The following CCN5 variants were observed in gnomAD, a reference collection of about 807,000 sequenced individuals.
CCN5 encodes the protein cellular communication network factor 5, also known as CCN family member 5.
Under a neutral mutation model 18.7 loss-of-function variants are expected in CCN5, and 17 were observed. That is an observed-to-expected ratio of 0.91 (90% CI 0.62 to 1.36). The LOEUF is 1.36. CCN5 is among the 40% of genes most tolerant of loss of function. CCN5 has a pLI of 0.00. For missense variants in CCN5, 367 were observed against 342.9 expected (o/e 1.07, Z -0.56); for synonymous variants, 135 against 145.2 (o/e 0.93, Z 0.50).
At chr20:44,727,007 G>A in intron 3 of CCN5, 80 bp from the exon 4 acceptor site, 2 of 1,375,646 alleles carry the variant, frequency 1.5e-6, no homozygotes, top group East Asian at 2.4e-5. Flanking sequence ...GACCAAGATT[G>A]CCGTGGCCGC....
rs1270677490 is a variant in CCN5, at chr20:44,716,370, C to T, written c.60+920C>T. Among the ~76,000 whole-genome samples, 3 of 152,236 alleles carry T rather than the reference C, an allele frequency of 2.0e-5. No homozygotes were observed. In the South Asian group the frequency reaches 6.2e-4, roughly 31 times the overall value. On this transcript the variant is annotated intron_variant, in intron 1 of 3. Coordinates refer to ENST00000190983, the MANE Select transcript of CCN5 (RefSeq NM_003881.4). The stretch of plus-strand genomic sequence containing the variant: ...AAGCCACGATCTCACTGTATTTTCA[C>T]GCTCCTTTGAGGAGCACGGGCAGGA...
At chr20:44,726,532 A>G (rs1194396186) in intron 3 of CCN5, among the ~76,000 whole-genome samples, 1 of 152,080 alleles carries the variant, frequency 6.6e-6, no homozygotes, top group Admixed American at 6.6e-5. Flanking sequence ...CCCAGTTGTG[A>G]TCACCAAAAC....
chr20:44,715,963 G>A (rs2065857123), intron 1 of CCN5, among the ~76,000 whole-genome samples: 1 of 152,222 alleles, frequency 6.6e-6, no homozygotes, highest in Admixed American at 6.5e-5. Flanking sequence ...CACCTCTGTG[G>A]AGTAATGGCC....
chr20:44,715,260 TGAGCGC>T (rs772826269), upstream of CCN5: 7,840 of 190,514 alleles, frequency 0.041, 490 homozygotes, highest in African/African-American at 0.23. Flanking sequence ...TGTGTGTGTG[TGAGCGC>T]GCGCGCGCGC....
In CCN5 at chr20:44,719,895, A is replaced by G; in HGVS notation, c.61-2A>G. On this transcript the variant is annotated splice_acceptor_variant, in intron 1 of 3. Transcript: ENST00000190983. LOFTEE classifies it high-confidence loss of function. ...GGCTGAGTGAGGTCTCTGTCTCTTC[A>G]GGTGCGTACCCAGCTGTGCCCGACA... 6.2e-7 allele frequency: 1 copy of G among 1,611,544 alleles called. No individual in the cohort carries two copies. The highest frequency in any genetic ancestry group is 8.5e-7 in the Non-Finnish European group (1 of 1,179,328).
intron 1 of CCN5, 23 bp downstream of exon 1, chr20:44,715,473 A>C: frequency 1.3e-6 from 2 of 1,579,252 alleles, no homozygotes; most frequent in Non-Finnish European, 1.7e-6. Context: ...GGGCCCTGGA[A>C]TGCACTGCTG....
chr20:44,727,589 C>A lies in CCN5; in HGVS notation c.*282C>A. The A allele has an allele frequency of 8.1e-7, 1 of 1,227,478 alleles. No individual in the cohort carries two copies. The highest frequency in any genetic ancestry group is 1.0e-6 in the Non-Finnish European group (1 of 956,498). 76.0% of individuals were successfully genotyped at this position (1,227,478 alleles called of 1,614,324 possible). ...CTCTAGCCCACTCCCTGCCTACACACACAGCCTATATCAAACATGCACACG... is the reference window on the plus strand; with the variant it reads ...CTCTAGCCCACTCCCTGCCTACACAAACAGCCTATATCAAACATGCACACG... On this transcript the variant is annotated 3_prime_UTR_variant, in exon 4 of 4. Coordinates refer to ENST00000190983, the MANE Select transcript of CCN5 (RefSeq NM_003881.4).
rs181244978 is a variant in CCN5 at position 44,719,917 on chromosome 20, G to A, written c.81G>A (p.Pro27=). The A allele has an allele frequency of 3.3e-5, 54 of 1,613,542 alleles. No individual in the cohort carries two copies. Among genetic ancestry groups the A allele is most frequent in the Admixed American group, 2.2e-4 (13 of 59,936 alleles). ...TTCAGGTGCGTACCCAGCTGTGCCCGACACCATGTACCTGCCCCTGGCCAC... is the reference window on the plus strand; with the variant it reads ...TTCAGGTGCGTACCCAGCTGTGCCCAACACCATGTACCTGCCCCTGGCCAC... The part of the protein sequence containing the change: ...LLSKVRTQLC[P]TPCTCPWPPP... The change falls in exon 2 of 4, where the codon CCG becomes CCA. Residue 27 remains proline, a synonymous_variant. Transcript: ENST00000190983.
At chr20:44,725,751 C>T (rs904141504) in intron 3 of CCN5, among the ~76,000 whole-genome samples, 15 of 137,626 alleles carry the variant, frequency 1.1e-4, no homozygotes, top group Non-Finnish European at 1.2e-4. Context: ...CAAAACTGAA[C>T]GAGGCAAAGT....
chr20:44,727,120 C>A lies in CCN5; in HGVS notation c.566C>A (p.Pro189His), dbSNP rs199803194. The change falls in exon 4 of 4, where the codon CCC (proline) becomes CAC (histidine). Residue 189 changes from proline to histidine, a missense_variant. By Grantham distance (77) the Pro-to-His change is moderately conservative. Transcript: ENST00000190983. ...PQFSGLVSSLPPGVPCPEWST... is the reference protein window; with the variant it reads ...PQFSGLVSSLHPGVPCPEWST... ...TTTTCTGGCCTTGTCTCTTCCCTGC[C>A]CCCTGGTGTCCCCTGCCCAGAATGG... The A allele has an allele frequency of 2.5e-6, 4 of 1,605,548 alleles. No homozygotes were observed. The highest frequency in any genetic ancestry group is 2.7e-5 in the African/African-American group (2 of 74,870).
intron 2 of CCN5, chr20:44,721,433 G>A (rs1395230281): frequency 6.8e-6 from 1 of 148,114 alleles, no homozygotes; most frequent in South Asian, 2.1e-4. Flanking sequence ...GCTCGCTTGA[G>A]CCTGGGTGTT....
intron 1 of CCN5, 21 bp from the exon 2 acceptor site, chr20:44,719,876 G>T: frequency 6.2e-7 from 1 of 1,605,724 alleles, no homozygotes; most frequent in Non-Finnish European, 8.5e-7. Context: ...CCGTGGCTGA[G>T]TGAGGTCTCT....
chr20:44,727,233 A>T lies in CCN5; in HGVS notation c.679A>T (p.Thr227Ser). The change falls in exon 4 of 4, where the codon ACC becomes TCC. Residue 227 changes from threonine (T) to serine (S), a missense_variant. Thr to Ser is a moderately conservative substitution (Grantham distance 58). Coordinates refer to ENST00000190983, the MANE Select transcript of CCN5 (RefSeq NM_003881.4). ...SNQNRFCRLETQRRLCLSRPC... is the reference protein window; with the variant it reads ...SNQNRFCRLESQRRLCLSRPC... ...CCAGAACCGCTTCTGCCGACTGGAG[A>T]CCCAGCGCCGCCTGTGCCTGTCCAG... The T allele has an allele frequency of 6.2e-7, 1 of 1,613,434 alleles. No individual in the cohort carries two copies. The highest frequency in any genetic ancestry group is 8.5e-7 in the Non-Finnish European group (1 of 1,179,934).
At chr20:44,719,775 C>T (rs1305539055) in intron 1 of CCN5, 122 bp from the exon 2 acceptor site, 4 of 1,016,334 alleles carry the variant, frequency 3.9e-6, no homozygotes, top group Admixed American at 2.8e-5. Flanking sequence ...GCCAGGTCTG[C>T]ATGGCTCTGA....
In CCN5 at chr20:44,724,856, G is replaced by A; in HGVS notation, c.396G>A (p.Pro132=). 1 of 1,596,348 alleles carries A rather than the reference G, an allele frequency of 6.3e-7. No homozygotes were observed. Among genetic ancestry groups the A allele is most frequent in the South Asian group, 1.1e-5 (1 of 88,414 alleles). The change falls in exon 3 of 4, where the codon CCG becomes CCA. Residue 132 remains proline (P), a synonymous_variant. Coordinates refer to ENST00000190983, the MANE Select transcript of CCN5 (RefSeq NM_003881.4). ...RCEDGGFTCV[P]LCSEDVRLPS... is the part of the protein sequence containing the mutation. ...AGGACGGCGGCTTCACCTGCGTGCC[G>A]CTGTGCAGCGAGGATGTGCGGCTGC...
chr20:44,719,232 G>T (rs554752276), intron 1 of CCN5, among the ~76,000 whole-genome samples: 1 of 152,304 alleles, frequency 6.6e-6, no homozygotes, highest in African/African-American at 2.4e-5. Flanking sequence ...CCTGTGCTGA[G>T]GGTTTGCTGT....
rs969536571 is a variant in CCN5, at chr20:44,720,009, G to A, written c.173G>A (p.Arg58Gln). The A allele has an allele frequency of 1.1e-5, 17 of 1,609,442 alleles. No individual in the cohort carries two copies. The highest frequency in any genetic ancestry group is 1.1e-5 in the Non-Finnish European group (13 of 1,179,332). The stretch of plus-strand genomic sequence containing the variant: ...TGTGGCTGCTGCCGGGTATGTGCAC[G>A]GCGGCTGGGGGAGCCCTGCGACCAA... Reference protein sequence around the residue: ...DGCGCCRVCARRLGEPCDQLH... With the variant: ...DGCGCCRVCAQRLGEPCDQLH... The change falls in exon 2 of 4, where the codon CGG becomes CAG. Residue 58 changes from arginine (R) to glutamine (Q), a missense_variant. Arg to Gln is a conservative substitution (Grantham distance 43). Coordinates refer to ENST00000190983, the MANE Select transcript of CCN5 (RefSeq NM_003881.4).
In CCN5 at chr20:44,724,999, G is replaced by A. The variant is rs759561685; in HGVS notation, c.532+7G>A. Reference sequence around the variant, plus strand: ...CAGCCCCTTCCAGCCCAAGGTGAGCGCAGCGGTGGTCCAGGTCAGGGCAGG... The same window carrying A: ...CAGCCCCTTCCAGCCCAAGGTGAGCACAGCGGTGGTCCAGGTCAGGGCAGG... On this transcript the variant is annotated splice_region_variant and intron_variant, in intron 3 of 3. Coordinates refer to ENST00000190983, the MANE Select transcript of CCN5 (RefSeq NM_003881.4). The A allele has an allele frequency of 1.2e-5, 19 of 1,562,796 alleles. No individual in the cohort carries two copies. Among genetic ancestry groups the A allele is most frequent in the Middle Eastern group, 2.3e-4 (1 of 4,444 alleles).
Position 44,724,873 on chromosome 20 carries a change from T to C in CCN5, c.413T>C (p.Val138Ala), listed in dbSNP as rs1165096358. The change falls in exon 3 of 4, where the codon GTG becomes GCG. Residue 138 changes from valine to alanine, a missense_variant. Transcript: ENST00000190983. ...FTCVPLCSED[V>A]RLPSWDCPHP... Reference sequence around the variant, plus strand: ...TGCGTGCCGCTGTGCAGCGAGGATGTGCGGCTGCCCAGCTGGGACTGCCCC... The same window carrying C: ...TGCGTGCCGCTGTGCAGCGAGGATGCGCGGCTGCCCAGCTGGGACTGCCCC... 1.9e-6 allele frequency: 3 copies of C among 1,595,126 alleles called. No homozygotes were observed. The African/African-American group carries it at 4.0e-5, about 21-fold the overall frequency.
Sources: allele counts gnomAD v4.1 joint callset (sites outside exome capture counted in the v4.1 genomes callset), GRCh38; gene constraint gnomAD v4.1.1; transcripts MANE v1.5; gene names NCBI Gene and HGNC (gene_info 2026-07-23, HGNC 2026-07-21).